Variants in EPHA6 observed in about 807,000 individuals in gnomAD.
EPHA6 encodes ephrin type-A receptor 6.
Under a neutral mutation model 112.0 loss-of-function variants are expected in EPHA6, and 50 were observed. That is an observed-to-expected ratio of 0.45 (90% CI 0.36 to 0.56). The LOEUF is 0.56. Among genes scored for constraint, EPHA6 ranks in the 20% least tolerant of loss-of-function variants. The probability of loss-of-function intolerance (pLI) is 0.00; values close to 1 mark genes in which losing one functional copy is unlikely to be tolerated. For synonymous variants in EPHA6, 529 were observed against 490.7 expected, an observed-to-expected ratio of 1.08 and a Z score of -1.03; for missense variants, 1,280 against 1,417.4, an observed-to-expected ratio of 0.90 and a Z score of 1.56.
intron 3 of EPHA6, among the ~76,000 whole-genome samples, chr3:97,013,513 A>G (rs938161129): frequency 6.6e-6 from 1 of 152,082 alleles, no homozygotes; most frequent in Admixed American, 6.6e-5. Flanking sequence ...GTCCTGAAAA[A>G]CCATGAATTG....
At chr3:97,419,218 G>A (rs983806412) in intron 6 of EPHA6, among the ~76,000 whole-genome samples, 3 of 152,198 alleles carry the variant, frequency 2.0e-5, no homozygotes, top group Non-Finnish European at 4.4e-5. Flanking sequence ...CAGGAGAATC[G>A]CCTGAACCCA....
intron 13 of EPHA6, 85 bp from the exon 14 acceptor site, chr3:97,637,788 A>G: frequency 1.0e-6 from 1 of 984,206 alleles, no homozygotes; most frequent in Non-Finnish European, 1.6e-6. Context: ...GATCCAATAA[A>G]ATAAATATAA....
chr3:97,326,521 T>G (rs955370642), intron 5 of EPHA6, among the ~76,000 whole-genome samples: 1 of 152,030 alleles, frequency 6.6e-6, no homozygotes, highest in Non-Finnish European at 1.5e-5. Context: ...TCTTCAGAGA[T>G]TTAACTACCC....
chr3:97,091,184 G>A (rs771018178), intron 3 of EPHA6, among the ~76,000 whole-genome samples: 2 of 152,060 alleles, frequency 1.3e-5, no homozygotes, highest in Non-Finnish European at 2.9e-5. Context: ...AGACAGTAGA[G>A]CATTTTGCAA....
chr3:97,068,530 A>G (rs2046252094), intron 3 of EPHA6, among the ~76,000 whole-genome samples: 1 of 152,120 alleles, frequency 6.6e-6, no homozygotes, highest in African/African-American at 2.4e-5. Flanking sequence ...GAACATGAGT[A>G]TATGCATTCC....
intron 5 of EPHA6, among the ~76,000 whole-genome samples, chr3:97,330,133 T>C (rs985784969): frequency 2.6e-5 from 4 of 151,942 alleles, no homozygotes; most frequent in East Asian, 1.9e-4. Flanking sequence ...GTTGTAGATA[T>C]GCAGCATTAT....
intron 3 of EPHA6, among the ~76,000 whole-genome samples, chr3:97,128,073 A>G (rs1389421401): frequency 4.6e-5 from 7 of 151,998 alleles, no homozygotes; most frequent in Non-Finnish European, 4.4e-5. Flanking sequence ...TTGCATACCC[A>G]TAGCTCAGCT....
chr3:97,224,093 T>C (rs2078284513), intron 3 of EPHA6, among the ~76,000 whole-genome samples: 1 of 152,124 alleles, frequency 6.6e-6, no homozygotes, highest in Admixed American at 6.5e-5. Context: ...AATGTTGAAA[T>C]GATAATATTT....
At chr3:97,223,035 G>A (rs1318119838) in intron 3 of EPHA6, among the ~76,000 whole-genome samples, 1 of 152,196 alleles carries the variant, frequency 6.6e-6, no homozygotes, top group Non-Finnish European at 1.5e-5. Context: ...ACAGTGAATA[G>A]ACTTTTCAAC....
intron 1 of EPHA6, among the ~76,000 whole-genome samples, chr3:96,848,681 A>C (rs2035218936): frequency 6.6e-6 from 1 of 152,118 alleles, no homozygotes; most frequent in Admixed American, 6.6e-5. Context: ...TTGATTATAT[A>C]CTTTGCTATA....
At chr3:96,992,168 T>A (rs2043240636) in intron 3 of EPHA6, among the ~76,000 whole-genome samples, 1 of 152,184 alleles carries the variant, frequency 6.6e-6, no homozygotes. Context: ...GTGGTTTTTC[T>A]CTCTTCCAAG....
At chr3:97,467,825 A>C (rs1045548284) in intron 7 of EPHA6, among the ~76,000 whole-genome samples, 1 of 151,696 alleles carries the variant, frequency 6.6e-6, no homozygotes, top group Non-Finnish European at 1.5e-5. Context: ...AAGGCTACCT[A>C]TGGTAAGGCA....
At chr3:97,118,301 A>G (rs1875281) in intron 3 of EPHA6, among the ~76,000 whole-genome samples, 26,558 of 150,748 alleles carry the variant, frequency 0.18, 2,458 homozygotes, top group Non-Finnish European at 0.2. Context: ...TTTTTTTCAT[A>G]CTTTTGCTCT....
Position 97,035,264 on chromosome 3 carries a change from CT to C in EPHA6, c.1114+47272del, listed in dbSNP as rs780015795. Reference sequence around the variant, plus strand: ...TAACTCCTCTCAGCTCCCTTTTCCCCTGTCTTCTTTTTTCTTATGCTATATT... The same window carrying C: ...TAACTCCTCTCAGCTCCCTTTTCCCCGTCTTCTTTTTTCTTATGCTATATT... On this transcript the variant is annotated intron_variant, in intron 3 of 17. Coordinates refer to ENST00000389672, the MANE Select transcript of EPHA6 (RefSeq NM_001080448.3). 7.9e-5 allele frequency among the ~76,000 whole-genome samples: 12 copies of C among 151,936 alleles called. No individual in the cohort carries two copies. The East Asian group carries it at 1.7e-3, about 22-fold the overall frequency.
chr3:96,955,885 C>G (rs1358025378), intron 2 of EPHA6, among the ~76,000 whole-genome samples: 1 of 152,096 alleles, frequency 6.6e-6, no homozygotes, highest in South Asian at 2.1e-4. Flanking sequence ...CAAATACAAA[C>G]TATGTTTTTT....
rs143535363 is a variant in EPHA6, at chr3:96,913,572, G to A, written c.450+46683G>A. Reference sequence around the variant, plus strand: ...TTCCTAGCACTTTGACTCAACCTTCGGAGCACATTTTTAATTACAATGAAA... The same window carrying A: ...TTCCTAGCACTTTGACTCAACCTTCAGAGCACATTTTTAATTACAATGAAA... On this transcript the variant is annotated intron_variant, in intron 2 of 17. Coordinates refer to ENST00000389672, the MANE Select transcript of EPHA6 (RefSeq NM_001080448.3). 2.9e-4 allele frequency among the ~76,000 whole-genome samples: 44 copies of A among 151,856 alleles called. No individual in the cohort carries two copies. In the South Asian group the frequency reaches 8.7e-3, roughly 30 times the overall value.
chr3:97,059,120 A>G (rs143048835), intron 3 of EPHA6, among the ~76,000 whole-genome samples: 5 of 152,326 alleles, frequency 3.3e-5, no homozygotes, highest in Admixed American at 2.6e-4. Context: ...TAAGAAAACT[A>G]TTGTTTTCTT....
At chr3:97,674,367 T>C (rs1236596733) in intron 14 of EPHA6, among the ~76,000 whole-genome samples, 1 of 152,210 alleles carries the variant, frequency 6.6e-6, no homozygotes, top group Non-Finnish European at 1.5e-5. Context: ...TTCAGTTTTA[T>C]CCACGTGAAC....
chr3:97,214,005 G>C (rs1178081897), intron 3 of EPHA6, among the ~76,000 whole-genome samples: 1 of 132,760 alleles, frequency 7.5e-6, no homozygotes, highest in Non-Finnish European at 1.5e-5. Context: ...TTCTGTGTGT[G>C]TGTGTGTGTG....
Sources: allele counts gnomAD v4.1 joint callset (sites outside exome capture counted in the v4.1 genomes callset), GRCh38; gene constraint gnomAD v4.1.1; transcripts MANE v1.5; gene names NCBI Gene and HGNC (gene_info 2026-07-23, HGNC 2026-07-21).